Variants in LMBR1 observed in about 807,000 individuals in gnomAD.
LMBR1 encodes limb development membrane protein 1, also known as limb region 1 protein homolog.
In LMBR1, 52 loss-of-function variants were observed where a neutral mutation model predicts 73.9. The ratio of observed to expected loss-of-function variants is 0.70; its 90% confidence interval spans 0.56 to 0.89. LMBR1 has a LOEUF of 0.89. Ranked by LOEUF, LMBR1 falls within the 40% of genes least tolerant of loss-of-function variation. LMBR1 has a pLI of 0.00. For missense variants in LMBR1, 539 were observed against 579.8 expected, an observed-to-expected ratio of 0.93 and a Z score of 0.72; for synonymous variants, 215 against 209.4, an observed-to-expected ratio of 1.03 and a Z score of -0.23.
At chr7:156,824,146 G>GCA (rs1835267972) in intron 4 of LMBR1, among the ~76,000 whole-genome samples, 3 of 151,656 alleles carry the variant, frequency 2.0e-5, no homozygotes, top group Non-Finnish European at 4.4e-5. Context: ...ATACACACGC[G>GCA]CGCGCGCTGA....
downstream of LMBR1, chr7:156,676,275 T>C (rs1371336335): frequency 3.9e-6 from 6 of 1,556,258 alleles, no homozygotes; most frequent in Admixed American, 3.9e-5. Flanking sequence ...ATAAATAAAA[T>C]GCATGTGATT....
At chr7:156,733,563 T>C (rs575248080) in intron 10 of LMBR1, among the ~76,000 whole-genome samples, 3 of 150,678 alleles carry the variant, frequency 2.0e-5, no homozygotes, top group Admixed American at 6.6e-5. Flanking sequence ...ATGCACAAGA[T>C]TGGTGAAAGT....
rs1245017996 is a variant in LMBR1 at position 156,800,482 on chromosome 7, CAAA to C, written c.320-3993_320-3991del. Among the ~76,000 whole-genome samples, 20 of 81,008 alleles carry C rather than the reference CAAA, an allele frequency of 2.5e-4. 1 individual carries two copies. Among genetic ancestry groups the C allele is most frequent in the African/African-American group, 2.4e-4 (5 of 20,506 alleles). The allele number at this position is 81,008 out of a possible 152,430, so 53.1% of individuals were successfully genotyped here. ...AAGCCTACTGTTAAGACTTGCTACTCAAAAAAAAAAAAAAAAAAGATTTTCAAA... is the reference window on the plus strand; with the variant it reads ...AAGCCTACTGTTAAGACTTGCTACTCAAAAAAAAAAAAAAAGATTTTCAAA... On this transcript the variant is annotated intron_variant, in intron 4 of 16. Coordinates refer to ENST00000353442, the MANE Select transcript of LMBR1 (RefSeq NM_022458.4).
chr7:156,839,657 T>C (rs549149966), intron 1 of LMBR1, among the ~76,000 whole-genome samples: 1 of 152,230 alleles, frequency 6.6e-6, no homozygotes, highest in East Asian at 1.9e-4. Context: ...TCCCTGCACA[T>C]CATCATGTAG....
intron 5 of LMBR1, among the ~76,000 whole-genome samples, chr7:156,788,225 A>G (rs1056381690): frequency 7.9e-5 from 12 of 152,212 alleles, no homozygotes; most frequent in African/African-American, 2.9e-4. Flanking sequence ...GCTTGAGGCC[A>G]GGAGTTGGAG....
chr7:156,717,821 G>A (rs551858081), intron 15 of LMBR1, among the ~76,000 whole-genome samples: 1 of 152,240 alleles, frequency 6.6e-6, no homozygotes, highest in Admixed American at 6.5e-5. Context: ...ATACTCAGGT[G>A]AGATTTTAAA....
At chr7:156,700,145 A>G (rs1809319412) in intron 15 of LMBR1, among the ~76,000 whole-genome samples, 1 of 152,216 alleles carries the variant, frequency 6.6e-6, no homozygotes, top group Admixed American at 6.5e-5. Flanking sequence ...AACCAACCCA[A>G]ATGTCCAGCA....
intron 9 of LMBR1, among the ~76,000 whole-genome samples, chr7:156,736,116 A>G (rs1036084379): frequency 6.6e-6 from 1 of 152,220 alleles, no homozygotes; most frequent in Non-Finnish European, 1.5e-5. Context: ...TCTAGGAAGC[A>G]GACGTCCTAA....
intron 1 of LMBR1, among the ~76,000 whole-genome samples, chr7:156,864,529 T>A (rs1798176545): frequency 6.6e-6 from 1 of 152,196 alleles, no homozygotes; most frequent in African/African-American, 2.4e-5. Flanking sequence ...TCAATAAATG[T>A]TAAATAAGGC....
chr7:156,777,483 T>A (rs182724572), intron 5 of LMBR1, among the ~76,000 whole-genome samples: 2 of 152,224 alleles, frequency 1.3e-5, no homozygotes, highest in African/African-American at 4.8e-5. Context: ...TCTTCTCACA[T>A]GTCATATCAG....
chr7:156,675,774 T>G (rs1563104331), downstream of LMBR1: 2 of 1,614,098 alleles, frequency 1.2e-6, no homozygotes, highest in East Asian at 4.5e-5. Context: ...CGATCAGTGC[T>G]TGGCCATAAA....
intron 8 of LMBR1, among the ~76,000 whole-genome samples, chr7:156,761,803 C>T (rs1167962738): frequency 6.6e-6 from 1 of 151,762 alleles, no homozygotes; most frequent in East Asian, 1.9e-4. Flanking sequence ...AGTGAAACCC[C>T]GTCTCTACTA....
intron 15 of LMBR1, among the ~76,000 whole-genome samples, chr7:156,706,088 C>CA (rs1463764965): frequency 2.7e-5 from 4 of 147,280 alleles, no homozygotes; most frequent in African/African-American, 1.0e-4. Flanking sequence ...TCCACACAAA[C>CA]AAAAAAACAA....
intron 10 of LMBR1, among the ~76,000 whole-genome samples, chr7:156,732,017 T>G (rs955041960): frequency 6.6e-6 from 1 of 151,396 alleles, no homozygotes; most frequent in Non-Finnish European, 1.5e-5. Context: ...AAATCTAATA[T>G]CCACCAACAG....
chr7:156,699,221 A>C lies in LMBR1; in HGVS notation c.1226-11030T>G, dbSNP rs190976723. ...CCAAAACAGAGATATAGATCAATGG[A>C]ATAGAACAGAGCCCTCAGAAATAAT... On this transcript the variant is annotated intron_variant, in intron 15 of 16. Transcript: ENST00000353442. Among the ~76,000 whole-genome samples the C allele has an allele frequency of 1.3e-3, 194 of 152,332 alleles. 2 individuals are homozygous for C. The highest frequency in any genetic ancestry group is 4.6e-3 in the African/African-American group (191 of 41,562).
intron 1 of LMBR1, among the ~76,000 whole-genome samples, chr7:156,890,583 G>A (rs1802730608): frequency 6.6e-6 from 1 of 152,054 alleles, no homozygotes; most frequent in African/African-American, 2.4e-5. Context: ...TAAACAAACA[G>A]GTGCTCAAAT....
intron 12 of LMBR1, among the ~76,000 whole-genome samples, chr7:156,726,631 G>A (rs527455289): frequency 4.4e-4 from 67 of 152,198 alleles, no homozygotes; most frequent in African/African-American, 1.6e-3. Context: ...TCTACAGTCA[G>A]CCCAATAAAA....
intron 1 of LMBR1, among the ~76,000 whole-genome samples, chr7:156,863,286 T>C (rs377723578): frequency 0.029 from 4,412 of 151,780 alleles, 98 homozygotes; most frequent in South Asian, 0.085. Context: ...GCAGGAAGCA[T>C]CCAGCATGAG....
chr7:156,702,803 A>G (rs1026449438), intron 15 of LMBR1, among the ~76,000 whole-genome samples: 1 of 152,262 alleles, frequency 6.6e-6, no homozygotes, highest in Non-Finnish European at 1.5e-5. Context: ...AAAAACTTGC[A>G]CATGAATATC....
Sources: allele counts gnomAD v4.1 joint callset (sites outside exome capture counted in the v4.1 genomes callset), GRCh38; gene constraint gnomAD v4.1.1; transcripts MANE v1.5; gene names NCBI Gene and HGNC (gene_info 2026-07-23, HGNC 2026-07-21).